Variants in KAT6B observed in about 807,000 individuals in gnomAD.
The protein encoded by KAT6B is histone acetyltransferase KAT6B.
Under a neutral mutation model 187.5 loss-of-function variants are expected in KAT6B, and 10 were observed. The observed-to-expected ratio is 0.05, with a 90% CI of 0.03 to 0.09. KAT6B has a LOEUF of 0.09. Among genes scored for constraint, KAT6B ranks in the 10% least tolerant of loss-of-function variants. The probability of loss-of-function intolerance (pLI) is 1.00; values close to 1 mark genes in which losing one functional copy is unlikely to be tolerated. For synonymous variants in KAT6B, 861 were observed against 926.8 expected, an observed-to-expected ratio of 0.93 and a Z score of 1.29; for missense variants, 1,952 against 2,558.9, an observed-to-expected ratio of 0.76 and a Z score of 5.12.
intron 3 of KAT6B, among the ~76,000 whole-genome samples, chr10:74,877,462 G>A (rs1478920371): frequency 6.6e-6 from 1 of 152,132 alleles, no homozygotes; most frequent in Non-Finnish European, 1.5e-5. Context: ...AACCAGAGTA[G>A]GCTCAGAGAC....
chr10:74,828,376 G>A (rs1213960593), intron 1 of KAT6B, among the ~76,000 whole-genome samples: 1 of 152,044 alleles, frequency 6.6e-6, no homozygotes, highest in Admixed American at 6.6e-5. Flanking sequence ...CTCCTATATG[G>A]ACAGAAGGTG....
chr10:74,962,429 T>G (rs1841166444), intron 4 of KAT6B, among the ~76,000 whole-genome samples: 2 of 152,174 alleles, frequency 1.3e-5, no homozygotes, highest in Non-Finnish European at 2.9e-5. Flanking sequence ...AATTACAGAT[T>G]AGTTGGGACT....
chr10:74,900,135 T>TA lies in KAT6B; in HGVS notation c.621+56659dup, dbSNP rs544395997. On this transcript the variant is annotated intron_variant, in intron 3 of 17. Coordinates refer to ENST00000287239, the MANE Select transcript of KAT6B (RefSeq NM_012330.4). The stretch of plus-strand genomic sequence containing the variant: ...AAACACAGATAATGTTAACATTAAT[T>TA]AAGTGACCTTAGGGCAGTATCACAA... 3.9e-5 allele frequency among the ~76,000 whole-genome samples: 6 copies of TA among 152,318 alleles called. No individual in the cohort carries two copies. In the South Asian group the frequency reaches 1.2e-3, roughly 32 times the overall value.
At chr10:74,929,088 G>A (rs1449524148) in intron 3 of KAT6B, among the ~76,000 whole-genome samples, 1 of 152,194 alleles carries the variant, frequency 6.6e-6, no homozygotes, top group Non-Finnish European at 1.5e-5. Flanking sequence ...AAGACTGCGT[G>A]GTAGTGGTTT....
At chr10:74,826,287 G>C (rs1840210765), upstream of KAT6B, among the ~76,000 whole-genome samples, 1 of 152,150 alleles carries the variant, frequency 6.6e-6, no homozygotes, top group Admixed American at 6.5e-5. Flanking sequence ...GCGGTATCTA[G>C]GAGAGAGAAA....
At chr10:74,867,138 A>G (rs1843609572) in intron 3 of KAT6B, among the ~76,000 whole-genome samples, 1 of 152,206 alleles carries the variant, frequency 6.6e-6, no homozygotes, top group Non-Finnish European at 1.5e-5. Flanking sequence ...GGCTTAGGGC[A>G]GATGTCAGAT....
chr10:75,021,915 A>C lies in KAT6B; in HGVS notation c.3056A>C (p.Glu1019Ala). The C allele has an allele frequency of 6.2e-7, 1 of 1,614,140 alleles. No individual in the cohort carries two copies. Among genetic ancestry groups the C allele is most frequent in the Non-Finnish European group, 8.5e-7 (1 of 1,180,028 alleles). Residue 1019 changes from glutamate to alanine, a missense_variant, in exon 16 of 18, where the codon GAG becomes GCG. Around this residue, in one of 9 missense-constraint regions of KAT6B, gnomAD observed 758 missense variants for 891.4 expected, o/e 0.85. Coordinates refer to ENST00000287239, the MANE Select transcript of KAT6B (RefSeq NM_012330.4). ...CTAATGGAACAAGCTAGCTGCTGGGAGAAGGAGGAACAAGAAATCCTGTCA... is the reference window on the plus strand; with the variant it reads ...CTAATGGAACAAGCTAGCTGCTGGGCGAAGGAGGAACAAGAAATCCTGTCA... ...ERLMEQASCW[E>A]KEEQEILSTR...
intron 3 of KAT6B, among the ~76,000 whole-genome samples, chr10:74,939,240 G>A (rs1293262922): frequency 6.6e-6 from 1 of 152,150 alleles, no homozygotes; most frequent in East Asian, 1.9e-4. Flanking sequence ...TTCTTCCAAT[G>A]TAAAGGCTGT....
At chr10:74,843,628 A>G in intron 3 of KAT6B, 150 bp downstream of exon 3, 2 of 971,534 alleles carry the variant, frequency 2.1e-6, no homozygotes, top group South Asian at 1.5e-5. Flanking sequence ...TTTAAAATGT[A>G]TATATTGTAC....
intron 3 of KAT6B, among the ~76,000 whole-genome samples, chr10:74,933,018 C>T (rs1848996109): frequency 6.6e-6 from 1 of 152,260 alleles, no homozygotes; most frequent in Non-Finnish European, 1.5e-5. Context: ...GCATACACAC[C>T]ATTTTTTCCT....
At position 75,030,786 on chromosome 10, in the gene KAT6B, A is replaced by C. The variant is rs1846260900; in HGVS notation, c.5962A>C (p.Thr1988Pro). The C allele has an allele frequency of 1.2e-6, 2 of 1,613,996 alleles. No homozygotes were observed. Among genetic ancestry groups the C allele is most frequent in the African/African-American group, 1.3e-5 (1 of 74,888 alleles). ...CAACTCTGTGAACATGAACATGAAC[A>C]CTCTCAACGCCATGAATGGGTACAG... ...NVNSVNMNMN[T>P]LNAMNGYSMS... Residue 1988 changes from threonine (T) to proline (P), a missense_variant, in exon 18 of 18, where the codon ACT becomes CCT. Physicochemically the swap from Thr to Pro is conservative, Grantham distance 38. Around this residue, in one of 9 missense-constraint regions of KAT6B, gnomAD observed 358 missense variants for 436.3 expected, o/e 0.82. Transcript: ENST00000287239. The surrounding 1 kb of genome is among the most constrained non-coding windows in gnomAD (Gnocchi z 4.8).
At chr10:74,829,756 C>T (rs112502432) in intron 1 of KAT6B, among the ~76,000 whole-genome samples, 2,632 of 151,444 alleles carry the variant, frequency 0.017, 63 homozygotes, top group African/African-American at 0.061. Flanking sequence ...TGGTGGCTCA[C>T]GCCTGTAATC....
rs569981455 is a variant in KAT6B, at chr10:74,837,252, GTTATA to G, written c.-328-1425_-328-1421del. On this transcript the variant is annotated intron_variant, in intron 1 of 17. Transcript: ENST00000287239. ...ATTTGTAATGAATGATGTAAATAGTGTTATATTATAAGACCGTATGATACAACCAT... is the reference window on the plus strand; with the variant it reads ...ATTTGTAATGAATGATGTAAATAGTGTTATAAGACCGTATGATACAACCAT... 2.2e-4 allele frequency among the ~76,000 whole-genome samples: 33 copies of G among 152,284 alleles called. No homozygotes were observed. The South Asian group carries it at 3.1e-3, about 14-fold the overall frequency.
intron 3 of KAT6B, among the ~76,000 whole-genome samples, chr10:74,951,835 G>A (rs375513410): frequency 6.6e-6 from 1 of 152,188 alleles, no homozygotes; most frequent in African/African-American, 2.4e-5. Context: ...ATAAAAGACA[G>A]TTGACAATAT....
At chr10:74,928,899 G>C (rs1185382152) in intron 3 of KAT6B, among the ~76,000 whole-genome samples, 27 of 152,078 alleles carry the variant, frequency 1.8e-4, no homozygotes, top group Non-Finnish European at 2.9e-5. Context: ...AAGAACCTTT[G>C]TTTTCTCTTG....
Position 74,959,992 on chromosome 10 carries a change from T to C in KAT6B, c.644T>C (p.Ile215Thr). 6.2e-7 allele frequency: 1 copy of C among 1,612,122 alleles called. No homozygotes were observed. Reference sequence around the variant, plus strand: ...TAGCCCCGTGCTGATCCCATTCCAATATGTAGCTTCTGTTTGGGGACTAAA... The same window carrying C: ...TAGCCCCGTGCTGATCCCATTCCAACATGTAGCTTCTGTTTGGGGACTAAA... ...KDQPRADPIPICSFCLGTKES... is the reference protein window; with the variant it reads ...KDQPRADPIPTCSFCLGTKES... Residue 215 changes from isoleucine to threonine, a missense_variant, in exon 4 of 18, where the codon ATA becomes ACA. Ile to Thr is a moderately conservative substitution (Grantham distance 89, BLOSUM62 -1). Transcript: ENST00000287239.
chr10:74,974,059 A>G (rs1313858542), intron 7 of KAT6B, among the ~76,000 whole-genome samples: 1 of 152,178 alleles, frequency 6.6e-6, no homozygotes, highest in Non-Finnish European at 1.5e-5. Flanking sequence ...TTTCTGGGCA[A>G]TCGATTCCAG....
chr10:75,025,728 G>C (rs189810613), intron 17 of KAT6B: 306 of 173,012 alleles, frequency 1.8e-3, no homozygotes, highest in Non-Finnish European at 3.2e-3. Flanking sequence ...CTACTATAAA[G>C]ATTCATCTAA....
Position 75,028,618 on chromosome 10 carries a change from G to A in KAT6B, c.3794G>A (p.Arg1265Lys). Residue 1265 changes from arginine (R) to lysine (K), a missense_variant, in exon 18 of 18, where the codon AGG (arginine) becomes AAG (lysine). This residue lies in a region of KAT6B where 758 missense variants were observed against 891.4 expected (regional missense o/e 0.85). Coordinates refer to ENST00000287239, the MANE Select transcript of KAT6B (RefSeq NM_012330.4). ...GLSKWRQNKE[R>K]KTGFKLNLYT... is the part of the protein sequence containing the mutation. Reference sequence around the variant, plus strand: ...TCTAAGTGGAGGCAAAACAAAGAGAGGAAGACCGGATTTAAACTGAATTTG... The same window carrying A: ...TCTAAGTGGAGGCAAAACAAAGAGAAGAAGACCGGATTTAAACTGAATTTG... 1 of 1,614,170 alleles carries A rather than the reference G, an allele frequency of 6.2e-7. No individual in the cohort carries two copies.
Sources: allele counts gnomAD v4.1 joint callset (sites outside exome capture counted in the v4.1 genomes callset), GRCh38; gene constraint gnomAD v4.1.1; regional missense constraint gnomAD v4.1.1; non-coding constraint Gnocchi (gnomAD v3.1); transcripts MANE v1.5; gene names NCBI Gene and HGNC (gene_info 2026-07-23, HGNC 2026-07-21).